Variants in GIPC2 observed in about 807,000 individuals in gnomAD.
GIPC2 encodes the protein GIPC PDZ domain containing family member 2.
GIPC2 carries 30 observed loss-of-function variants against 30.6 expected under a neutral mutation model. The ratio of observed to expected loss-of-function variants is 0.98; its 90% CI spans 0.73 to 1.33. The LOEUF (loss-of-function observed/expected upper bound fraction) is 1.33, where lower values mean the gene tolerates loss of function less well. Ranked by LOEUF, GIPC2 falls within the 40% of genes most tolerant of loss-of-function variation. GIPC2 has a pLI of 0.00. For missense variants in GIPC2, 414 were observed against 390.3 expected (o/e 1.06, Z -0.51); for synonymous variants, 167 against 150.0 (o/e 1.11, Z -0.83).
chr1:78,056,985 T>A (rs1661310082), intron 1 of GIPC2, among the ~76,000 whole-genome samples: 1 of 152,218 alleles, frequency 6.6e-6, no homozygotes, highest in Admixed American at 6.5e-5. Context: ...TTTTGCTGAT[T>A]GCATTCCTGT....
At chr1:78,051,420 G>T (rs1302775564) in intron 1 of GIPC2, among the ~76,000 whole-genome samples, 1 of 152,202 alleles carries the variant, frequency 6.6e-6, no homozygotes, top group Non-Finnish European at 1.5e-5. Context: ...TAATAAATGA[G>T]TAATTCAGTG....
At chr1:78,120,305 A>G (rs1168217968) in intron 4 of GIPC2, among the ~76,000 whole-genome samples, 1 of 151,854 alleles carries the variant, frequency 6.6e-6, no homozygotes, top group Non-Finnish European at 1.5e-5. Context: ...GTTCCCAAAC[A>G]CTCCAGGTGT....
intron 1 of GIPC2, among the ~76,000 whole-genome samples, chr1:78,072,029 A>G (rs1661629083): frequency 6.6e-6 from 1 of 152,190 alleles, no homozygotes; most frequent in South Asian, 2.1e-4. Context: ...CTGGAGTTGG[A>G]CAACCAGGGT....
In GIPC2 at chr1:78,046,247, T is replaced by C; in HGVS notation, c.153T>C (p.Gly51=). The C allele has an allele frequency of 1.2e-6, 2 of 1,609,530 alleles. No homozygotes were observed. Among genetic ancestry groups the C allele is most frequent in the Non-Finnish European group, 8.5e-7 (1 of 1,178,646 alleles). ...TCTTCCACGCGCAGCTGGCGCACGG[T>C]AGTGCCACGGGCCGAGTGGAGGGCT... is the stretch of plus-strand genomic sequence containing the variant. ...RLVFHAQLAH[G]SATGRVEGFS... The change falls in exon 1 of 6, where the codon GGT becomes GGC. Residue 51 remains glycine, a synonymous_variant. Transcript: ENST00000370759.
At chr1:78,064,474 T>C (rs755459163) in intron 1 of GIPC2, among the ~76,000 whole-genome samples, 4 of 152,152 alleles carry the variant, frequency 2.6e-5, no homozygotes, top group Admixed American at 6.5e-5. Flanking sequence ...AGGCCAGTAT[T>C]GGCTGTCACC....
At chr1:78,084,874 C>A (rs959821923) in intron 2 of GIPC2, among the ~76,000 whole-genome samples, 2 of 152,140 alleles carry the variant, frequency 1.3e-5, no homozygotes, top group African/African-American at 4.8e-5. Flanking sequence ...AGAATCATGT[C>A]ATCTGCAAAC....
chr1:78,115,261 G>A (rs935541023), intron 3 of GIPC2, among the ~76,000 whole-genome samples: 2 of 152,018 alleles, frequency 1.3e-5, no homozygotes, highest in African/African-American at 4.8e-5. Flanking sequence ...TTTTTGAAAA[G>A]TCAGATTGGC....
In GIPC2 at chr1:78,058,021, G is replaced by T. The variant is rs138152997; in HGVS notation, c.240+11687G>T. Among the ~76,000 whole-genome samples the T allele has an allele frequency of 6.6e-5, 10 of 152,264 alleles. No individual in the cohort carries two copies. In the East Asian group the frequency reaches 1.9e-3, roughly 29 times the overall value. ...TTTGCTAAGCAAGAGGAAAACATAAGTATGTTTATACTTTTTGCTGGAAAA... is the reference window on the plus strand; with the variant it reads ...TTTGCTAAGCAAGAGGAAAACATAATTATGTTTATACTTTTTGCTGGAAAA... On this transcript the variant is annotated intron_variant, in intron 1 of 5. Coordinates refer to ENST00000370759, the MANE Select transcript of GIPC2 (RefSeq NM_017655.6).
chr1:78,060,436 C>T (rs1429627739), intron 1 of GIPC2, among the ~76,000 whole-genome samples: 1 of 152,126 alleles, frequency 6.6e-6, no homozygotes, highest in Non-Finnish European at 1.5e-5. Flanking sequence ...TGTACCACTG[C>T]AGCCGACCGA....
Position 78,049,895 on chromosome 1 carries a change from T to C in GIPC2, c.240+3561T>C, listed in dbSNP as rs1661163827. Among the ~76,000 whole-genome samples, 24 of 36,832 alleles carry C rather than the reference T, an allele frequency of 6.5e-4. No individual in the cohort carries two copies. In the Admixed American group the frequency reaches 6.9e-3, roughly 11 times the overall value. 24.2% of individuals were successfully genotyped at this position (36,832 alleles called of 152,430 possible). ...CAAATACGAACCCAGAAAAACCTCT[T>C]TTTTTTTTTTTTTTTTTTTGAGATG... On this transcript the variant is annotated intron_variant, in intron 1 of 5. Coordinates refer to ENST00000370759, the MANE Select transcript of GIPC2 (RefSeq NM_017655.6).
At chr1:78,124,882 G>C (rs1042598600) in intron 4 of GIPC2, among the ~76,000 whole-genome samples, 3 of 152,132 alleles carry the variant, frequency 2.0e-5, no homozygotes, top group African/African-American at 7.2e-5. Context: ...GGTGGCGCAC[G>C]CCTGTAATCC....
intron 4 of GIPC2, among the ~76,000 whole-genome samples, chr1:78,121,020 G>C (rs1331473488): frequency 6.6e-6 from 1 of 152,184 alleles, no homozygotes; most frequent in Non-Finnish European, 1.5e-5. Context: ...CAAAGGAATG[G>C]AAATCTTTGG....
intron 1 of GIPC2, among the ~76,000 whole-genome samples, chr1:78,046,658 T>TGAGCACCTTCCCAGACTC (rs1009021598): frequency 1.3e-5 from 2 of 152,154 alleles, no homozygotes; most frequent in African/African-American, 4.8e-5. Flanking sequence ...GTTCAAGGCG[T>TGAGCACCTTCCCAGACTC]GAGCACCTTC....
At chr1:78,128,118 C>T (rs1464843538) in intron 5 of GIPC2, among the ~76,000 whole-genome samples, 2 of 152,200 alleles carry the variant, frequency 1.3e-5, no homozygotes, top group Non-Finnish European at 2.9e-5. Flanking sequence ...TGCTTTTATC[C>T]TCTGTGCAGA....
At chr1:78,071,574 TTTCTTCTTCTTTTGTTTC>T in intron 1 of GIPC2, among the ~76,000 whole-genome samples, 1 of 151,498 alleles carries the variant, frequency 6.6e-6, no homozygotes, top group African/African-American at 2.4e-5. Flanking sequence ...CTTCTTCTTC[TTTCTTCTTCTTTTGTTTC>T]TTCTTCTTCT....
At chr1:78,098,613 G>A (rs1461956608) in intron 3 of GIPC2, among the ~76,000 whole-genome samples, 1 of 152,162 alleles carries the variant, frequency 6.6e-6, no homozygotes, top group Non-Finnish European at 1.5e-5. Flanking sequence ...GGTCTAACAG[G>A]AGGCTGTTAT....
chr1:78,107,915 T>C (rs2100405225), intron 3 of GIPC2, among the ~76,000 whole-genome samples: 1 of 151,376 alleles, frequency 6.6e-6, no homozygotes, highest in African/African-American at 2.4e-5. Context: ...CTTTACAGTT[T>C]TCAACTATAT....
At chr1:78,059,162 G>T (rs1038154553) in intron 1 of GIPC2, among the ~76,000 whole-genome samples, 2 of 152,118 alleles carry the variant, frequency 1.3e-5, no homozygotes, top group Admixed American at 6.6e-5. Context: ...TTTGACTAGG[G>T]CCTGAGAATG....
intron 1 of GIPC2, among the ~76,000 whole-genome samples, chr1:78,046,858 G>A (rs1033064920): frequency 1.3e-5 from 2 of 151,828 alleles, no homozygotes; most frequent in African/African-American, 2.4e-5. Context: ...AGCCTTCCAG[G>A]TAATACCAAA....
Sources: gnomAD v4.1 joint callset for allele counts (sites outside exome capture counted in the v4.1 genomes callset) on GRCh38, gnomAD v4.1.1 for gene constraint, MANE v1.5 for transcripts, NCBI Gene and HGNC (gene_info 2026-07-23, HGNC 2026-07-21) for gene names.